Variants in COL28A1 observed in about 807,000 individuals in gnomAD.
COL28A1 encodes collagen type XXVIII alpha 1 chain.
A neutral mutation model predicts 150.2 loss-of-function variants in COL28A1; 161 were observed. The observed-to-expected ratio is 1.07, with a 90% confidence interval of 0.94 to 1.22. The LOEUF is 1.22. Among genes scored for constraint, COL28A1 ranks in the 50% most tolerant of loss-of-function variants. The pLI, the probability that COL28A1 is intolerant of heterozygous loss-of-function variation, is 0.00. For synonymous variants in COL28A1, 552 were observed against 469.7 expected (o/e 1.18, Z -2.26); for missense variants, 1,617 against 1,388.3 (o/e 1.16, Z -2.62).
intron 27 of COL28A1, among the ~76,000 whole-genome samples, chr7:7,386,150 C>T (rs1782167561): frequency 6.6e-6 from 1 of 152,162 alleles, no homozygotes; most frequent in Non-Finnish European, 1.5e-5. Context: ...TTTCAGATGA[C>T]TGCTTGTTCT....
downstream of COL28A1, among the ~76,000 whole-genome samples, chr7:7,351,388 C>T (rs531002167): frequency 4.3e-4 from 66 of 152,302 alleles, 2 homozygotes; most frequent in African/African-American, 1.5e-3. Flanking sequence ...GCTCCAATTA[C>T]AGCAACAGAA....
the COL28A1 span, among the ~76,000 whole-genome samples, chr7:7,348,301 C>T: frequency 2.6e-5 from 4 of 151,970 alleles, no homozygotes; most frequent in Admixed American, 6.6e-5. Flanking sequence ...GAGCTCCATC[C>T]ATCTCTCAAA....
At chr7:7,421,306 A>G (rs1469667523) in intron 25 of COL28A1, among the ~76,000 whole-genome samples, 1 of 152,210 alleles carries the variant, frequency 6.6e-6, no homozygotes, top group African/African-American at 2.4e-5. Flanking sequence ...GGACAGCAAC[A>G]TGGATTAACT....
chr7:7,353,163 G>T (rs1046180058), downstream of COL28A1, among the ~76,000 whole-genome samples: 3 of 152,294 alleles, frequency 2.0e-5, no homozygotes, highest in African/African-American at 4.8e-5. Flanking sequence ...CATGCCAGTT[G>T]TAACTATAGG....
chr7:7,398,636 T>G (rs1030941497), intron 27 of COL28A1, among the ~76,000 whole-genome samples: 1 of 152,214 alleles, frequency 6.6e-6, no homozygotes, highest in African/African-American at 2.4e-5. Context: ...GTTGCATACA[T>G]TAACTTGTCC....
intron 27 of COL28A1, among the ~76,000 whole-genome samples, chr7:7,392,430 G>A (rs1159205893): frequency 2.0e-5 from 3 of 152,072 alleles, no homozygotes; most frequent in African/African-American, 4.8e-5. Flanking sequence ...TTCAACCTTG[G>A]TGAATCTGAC....
At chr7:7,441,321 C>CA (rs1186165678) in intron 20 of COL28A1, among the ~76,000 whole-genome samples, 2 of 152,052 alleles carry the variant, frequency 1.3e-5, no homozygotes, top group East Asian at 3.9e-4. Context: ...TTCTTTCCCC[C>CA]AAAAGAGACC....
At chr7:7,432,791 G>C (rs564694014) in intron 23 of COL28A1, 91 bp from the exon 24 acceptor site, 1 of 943,538 alleles carries the variant, frequency 1.1e-6, no homozygotes, top group African/African-American at 1.6e-5. Flanking sequence ...ATATGCCAAC[G>C]GTCGATTTCT....
rs2128288678 is a variant in COL28A1 at position 7,380,705 on chromosome 7, G to A, written c.2287-10C>T. 1 of 1,613,430 alleles carries A rather than the reference G, an allele frequency of 6.2e-7. No individual in the cohort carries two copies. Among genetic ancestry groups the A allele is most frequent in the African/African-American group, 1.3e-5 (1 of 75,008 alleles). On this transcript the variant is annotated splice_polypyrimidine_tract_variant and intron_variant, in intron 29 of 34. Transcript: ENST00000399429. ...TGGGTCCTTGTAAACCCTACTTAGT[G>A]GAAGAAGAGTAAAAGTCAATATAGG...
At chr7:7,387,004 C>A (rs1782224345) in intron 27 of COL28A1, among the ~76,000 whole-genome samples, 1 of 152,166 alleles carries the variant, frequency 6.6e-6, no homozygotes, top group Admixed American at 6.5e-5. Context: ...AAGACAGCTC[C>A]CTGGGGCCTC....
intron 27 of COL28A1, among the ~76,000 whole-genome samples, chr7:7,401,162 C>A (rs2128299006): frequency 6.6e-6 from 1 of 152,116 alleles, no homozygotes; most frequent in Admixed American, 6.6e-5. Flanking sequence ...ACACCTCTTT[C>A]TTTTCATTCT....
chr7:7,528,305 T>C (rs1367124679), intron 3 of COL28A1, among the ~76,000 whole-genome samples: 1 of 152,184 alleles, frequency 6.6e-6, no homozygotes, highest in Non-Finnish European at 1.5e-5. Context: ...TGAATTTGTT[T>C]GTTTGGTTTC....
chr7:7,339,730 T>A, the COL28A1 span, among the ~76,000 whole-genome samples: 24 of 152,276 alleles, frequency 1.6e-4, no homozygotes, highest in Middle Eastern at 3.4e-3. Flanking sequence ...AGAATCACCA[T>A]GCTGTGTTGT....
At chr7:7,400,575 T>TATTTGAAAA (rs1427043450) in intron 27 of COL28A1, among the ~76,000 whole-genome samples, 2 of 152,158 alleles carry the variant, frequency 1.3e-5, no homozygotes, top group East Asian at 3.9e-4. Context: ...ATCCCTTTCT[T>TATTTGAAAA]ATTTGAAAAA....
intron 16 of COL28A1, among the ~76,000 whole-genome samples, chr7:7,454,371 T>G (rs139562715): frequency 6.6e-6 from 1 of 152,196 alleles, no homozygotes; most frequent in African/African-American, 2.4e-5. Flanking sequence ...TAAATTTAAG[T>G]AGAATTTATA....
intron 33 of COL28A1, among the ~76,000 whole-genome samples, chr7:7,369,269 T>A (rs745441891): frequency 6.6e-6 from 1 of 152,204 alleles, no homozygotes; most frequent in South Asian, 2.1e-4. Context: ...TGGAATTTAC[T>A]TTAAAATGCA....
At chr7:7,501,731 T>C (rs1780537212) in intron 11 of COL28A1, among the ~76,000 whole-genome samples, 1 of 152,186 alleles carries the variant, frequency 6.6e-6, no homozygotes, top group Non-Finnish European at 1.5e-5. Context: ...TGAGCCACCA[T>C]GACAGCCCCA....
intron 33 of COL28A1, among the ~76,000 whole-genome samples, chr7:7,364,005 T>C (rs1399129183): frequency 2.0e-5 from 3 of 152,248 alleles, no homozygotes; most frequent in East Asian, 3.9e-4. Context: ...TCAGGACCTT[T>C]CATTCCTTCT....
chr7:7,481,193 C>G (rs187376665), intron 13 of COL28A1, among the ~76,000 whole-genome samples: 1 of 152,148 alleles, frequency 6.6e-6, no homozygotes, highest in Admixed American at 6.5e-5. Flanking sequence ...TTCTAGAGTA[C>G]GTTAGCTAAA....
Sources: allele counts gnomAD v4.1 joint callset (sites outside exome capture counted in the v4.1 genomes callset), GRCh38; gene constraint gnomAD v4.1.1; transcripts MANE v1.5; gene names NCBI Gene and HGNC (gene_info 2026-07-23, HGNC 2026-07-21).